The following LAMC2 variants were observed in gnomAD, a reference collection of about 807,000 sequenced individuals.
The protein encoded by LAMC2 is laminin subunit gamma-2.
In LAMC2, 97 loss-of-function variants were observed where a neutral mutation model predicts 140.2. The ratio of observed to expected loss-of-function variants is 0.69; its 90% CI spans 0.59 to 0.82. The LOEUF (loss-of-function observed/expected upper bound fraction) is 0.82, where lower values mean the gene tolerates loss of function less well. Ranked by LOEUF, LAMC2 falls within the 40% of genes least tolerant of loss-of-function variation. LAMC2 has a pLI of 0.00. For missense variants in LAMC2, 1,402 were observed against 1,476.1 expected (o/e 0.95, Z 0.82); for synonymous variants, 513 against 540.2 (o/e 0.95, Z 0.70).
At position 183,243,130 on chromosome 1, in the gene LAMC2, C is replaced by T. The variant is rs757371239; in HGVS notation, c.3329-17C>T. ...ACAGCTTTTCTATGTTAACTTGTGT[C>T]TCATTCCTTGAAATAGACCAGCCTC... On this transcript the variant is annotated splice_polypyrimidine_tract_variant and intron_variant, in intron 22 of 22. Transcript: ENST00000264144. 5.6e-6 allele frequency: 9 copies of T among 1,613,756 alleles called. No individual in the cohort carries two copies. Among genetic ancestry groups the T allele is most frequent in the Middle Eastern group, 3.3e-4 (2 of 6,032 alleles).
intron 16 of LAMC2, 47 bp downstream of exon 16, chr1:183,235,777 C>T (rs756484579): frequency 1.2e-6 from 2 of 1,604,744 alleles, no homozygotes; most frequent in East Asian, 4.5e-5. Flanking sequence ...CTTGGATACT[C>T]CCAGGGCAAA....
At position 183,219,469 on chromosome 1, in the gene LAMC2, C is replaced by T. The variant is rs1571522313; in HGVS notation, c.503+981C>T. Among the ~76,000 whole-genome samples, 4 of 152,196 alleles carry T rather than the reference C, an allele frequency of 2.6e-5. 1 individual carries two copies. The South Asian group carries it at 8.3e-4, about 32-fold the overall frequency. On this transcript the variant is annotated intron_variant, in intron 4 of 22. Transcript: ENST00000264144. Reference sequence around the variant, plus strand: ...TAAAACTGCGTCCCAGTGACAATGCCCCCCTCCTCCCTAGAAGTGACCACT... The same window carrying T: ...TAAAACTGCGTCCCAGTGACAATGCTCCCCTCCTCCCTAGAAGTGACCACT...
chr1:183,209,092 C>G (rs750559303), intron 2 of LAMC2, among the ~76,000 whole-genome samples: 1 of 151,004 alleles, frequency 6.6e-6, no homozygotes, highest in Non-Finnish European at 1.5e-5. Context: ...TGTGGACAGA[C>G]AGTAAAGACA....
chr1:183,232,072 A>G (rs1169394645), intron 12 of LAMC2, 115 bp from the exon 13 acceptor site: 8 of 1,348,780 alleles, frequency 5.9e-6, no homozygotes, highest in African/African-American at 4.3e-5. Context: ...TTTAACCACC[A>G]TGACATGCTA....
the LAMC2 span, chr1:183,250,479 G>T: frequency 1.3e-5 from 2 of 152,732 alleles, no homozygotes; most frequent in African/African-American, 4.8e-5. Context: ...GGCTTGGGAA[G>T]TGTAGAAATC....
intron 1 of LAMC2, among the ~76,000 whole-genome samples, chr1:183,192,982 G>A (rs1658395131): frequency 6.6e-6 from 1 of 152,220 alleles, no homozygotes; most frequent in African/African-American, 2.4e-5. Context: ...TGGGATTACA[G>A]GCATGAGCCA....
intron 13 of LAMC2, 51 bp from the exon 14 acceptor site, chr1:183,232,599 ACT>A: frequency 6.6e-7 from 1 of 1,510,322 alleles, no homozygotes; most frequent in Non-Finnish European, 9.2e-7. Flanking sequence ...ATGTTTGCTA[ACT>A]CTATGCTGAC....
chr1:183,200,647 T>G (rs1324839488), intron 1 of LAMC2, among the ~76,000 whole-genome samples: 1 of 152,202 alleles, frequency 6.6e-6, no homozygotes, highest in Non-Finnish European at 1.5e-5. Flanking sequence ...TTTGCCCCTT[T>G]GCTTCCTGTC....
chr1:183,257,492 C>T, the LAMC2 span, among the ~76,000 whole-genome samples: 1 of 152,158 alleles, frequency 6.6e-6, no homozygotes, highest in Non-Finnish European at 1.5e-5. Context: ...TAGAATTCAG[C>T]TCTGAAGTCA....
intron 5 of LAMC2, among the ~76,000 whole-genome samples, chr1:183,221,551 AC>A (rs768690002): frequency 7.2e-5 from 11 of 151,878 alleles, no homozygotes; most frequent in Non-Finnish European, 1.6e-4. Context: ...ACATGGTGAA[AC>A]CCCGTCCCTA....
chr1:183,214,215 G>A (rs1659175322), intron 2 of LAMC2, among the ~76,000 whole-genome samples: 1 of 152,112 alleles, frequency 6.6e-6, no homozygotes, highest in South Asian at 2.1e-4. Context: ...AGATTTCTGG[G>A]CACCTGCCTT....
chr1:183,207,489 T>C lies in LAMC2; in HGVS notation c.80-392T>C, dbSNP rs575595348. ...GTCCGCAGCTGCCCATCCTCAGGTC[T>C]CCGTGAGCCCACACACTTGCTCTGT... On this transcript the variant is annotated intron_variant, in intron 1 of 22. Transcript: ENST00000264144. Among the ~76,000 whole-genome samples, 3 of 152,336 alleles carry C rather than the reference T, an allele frequency of 2.0e-5. No homozygotes were observed. The East Asian group carries it at 5.8e-4, about 29-fold the overall frequency.
rs566076988 is a variant in LAMC2 at position 183,240,068 on chromosome 1, A to G, written c.3098A>G (p.Asn1033Ser). The change falls in exon 21 of 23, where the codon AAT (asparagine) becomes AGT (serine). Residue 1033 changes from asparagine to serine, a missense_variant. Physicochemically the swap from Asn to Ser is conservative, Grantham distance 46. This residue lies in a region of LAMC2 where 670 missense variants were observed against 667.2 expected (regional missense o/e 1.00). Transcript: ENST00000264144. ...ATTGGGAGTCTGAACTTGGAAGCCA[A>G]TGTGACAGCAGATGGAGCCTTGGCC... ...QEIGSLNLEA[N>S]VTADGALAME... The G allele has an allele frequency of 2.5e-5, 40 of 1,614,094 alleles. No individual in the cohort carries two copies. The highest frequency in any genetic ancestry group is 4.5e-5 in the East Asian group (2 of 44,880).
rs897995588 is a variant in LAMC2, at chr1:183,228,579, C to T, written c.1674C>T (p.Phe558=). ...IYCDQCKAGY[F]GDPLAPNPAD... is the part of the protein sequence containing the mutation. ...GCGACCAGTGCAAAGCAGGCTACTT[C>T]GGGGACCCATTGGCTCCCAACCCAG... Residue 558 remains phenylalanine (F), a synonymous_variant, in exon 11 of 23, where the codon TTC becomes TTT. Coordinates refer to ENST00000264144, the MANE Select transcript of LAMC2 (RefSeq NM_005562.3). This position sits in a 1 kb window ranked among gnomAD's most constrained non-coding sequence, Gnocchi z 4.3. 24 of 1,613,902 alleles carry T rather than the reference C, an allele frequency of 1.5e-5. No homozygotes were observed. Among genetic ancestry groups the T allele is most frequent in the East Asian group, 2.2e-5 (1 of 44,888 alleles).
chr1:183,189,369 C>G lies in LAMC2; in HGVS notation c.79+2938C>G, dbSNP rs577259575. Among the ~76,000 whole-genome samples, 14 of 152,196 alleles carry G rather than the reference C, an allele frequency of 9.2e-5. No homozygotes were observed. The South Asian group carries it at 2.9e-3, about 32-fold the overall frequency. ...CTTTGGGAGGCTGAGGTGGGTGGAT[C>G]ACTTGAGCCCAGGAGTTCGAGACCA... is the stretch of plus-strand genomic sequence containing the variant. On this transcript the variant is annotated intron_variant, in intron 1 of 22. Transcript: ENST00000264144.
rs140027834 is a variant in LAMC2 at position 183,230,396 on chromosome 1, T to A, written c.1715-565T>A. ...TCACTGTAATCATCAGAGAAGTGTCTCACCCACTATCATATCCTTAACTCC... is the reference window on the plus strand; with the variant it reads ...TCACTGTAATCATCAGAGAAGTGTCACACCCACTATCATATCCTTAACTCC... On this transcript the variant is annotated intron_variant, in intron 11 of 22. Transcript: ENST00000264144. Among the ~76,000 whole-genome samples, 99 of 152,366 alleles carry A rather than the reference T, an allele frequency of 6.5e-4. 2 individuals carry two copies. Among genetic ancestry groups the A allele is most frequent in the African/African-American group, 2.1e-3 (89 of 41,584 alleles).
chr1:183,241,271 A>G (rs539018607), intron 22 of LAMC2: 43 of 983,784 alleles, frequency 4.4e-5, no homozygotes, highest in Non-Finnish European at 5.2e-5. Context: ...AGGAAAAATA[A>G]AAAAGAATCA....
At chr1:183,221,272 G>C (rs77806731) in intron 5 of LAMC2, among the ~76,000 whole-genome samples, 1 of 152,160 alleles carries the variant, frequency 6.6e-6, no homozygotes, top group Admixed American at 6.5e-5. Context: ...ATTTGGTTTG[G>C]AGAGTGTATG....
At chr1:183,208,199 A>G in intron 2 of LAMC2, 130 bp downstream of exon 2, 1 of 891,392 alleles carries the variant, frequency 1.1e-6, no homozygotes, top group Non-Finnish European at 1.8e-6. Flanking sequence ...GAAAGCAAGC[A>G]GGCCAAGAGG....
Sources: gnomAD v4.1 joint callset for allele counts (sites outside exome capture counted in the v4.1 genomes callset) on GRCh38, gnomAD v4.1.1 for gene constraint, gnomAD v4.1.1 regional missense constraint, Gnocchi (gnomAD v3.1) non-coding constraint, MANE v1.5 for transcripts, NCBI Gene and HGNC (gene_info 2026-07-23, HGNC 2026-07-21) for gene names.